The following PTTG1IP2 variants were observed in gnomAD, a reference collection of about 807,000 sequenced individuals.
The protein encoded by PTTG1IP2 is PTTG1IP family member 2.
chr7:90,507,590 G>C (rs1030284243), intron 6 of PTTG1IP2, among the ~76,000 whole-genome samples: 4 of 152,152 alleles, frequency 2.6e-5, no homozygotes, highest in African/African-American at 9.7e-5. Flanking sequence ...AGGCAAGATA[G>C]GGCCATGAAG....
At chr7:90,486,125 A>AT (rs1158333913) in intron 2 of PTTG1IP2, among the ~76,000 whole-genome samples, 2 of 152,106 alleles carry the variant, frequency 1.3e-5, no homozygotes, top group Non-Finnish European at 2.9e-5. Context: ...GGTTCTTTAC[A>AT]TTGGAGTGAA....
intron 6 of PTTG1IP2, among the ~76,000 whole-genome samples, chr7:90,513,031 TTA>T (rs1368318104): frequency 1.3e-5 from 2 of 152,206 alleles, no homozygotes; most frequent in African/African-American, 4.8e-5. Context: ...AATAAATCGT[TTA>T]TGTTAGTTTG....
intron 1 of PTTG1IP2, among the ~76,000 whole-genome samples, chr7:90,475,232 TCA>T (rs2116046337): frequency 6.6e-6 from 1 of 152,274 alleles, no homozygotes; most frequent in Non-Finnish European, 1.5e-5. Context: ...GTGACTATAG[TCA>T]CACTGTGGTT....
At chr7:90,492,823 G>C (rs982139360) in intron 5 of PTTG1IP2, among the ~76,000 whole-genome samples, 24 of 152,140 alleles carry the variant, frequency 1.6e-4, no homozygotes, top group Non-Finnish European at 2.6e-4. Context: ...GGCTTTCCCA[G>C]ATTAATTCAC....
At chr7:90,493,977 C>A (rs1404712963) in intron 5 of PTTG1IP2, among the ~76,000 whole-genome samples, 1 of 152,182 alleles carries the variant, frequency 6.6e-6, no homozygotes, top group Non-Finnish European at 1.5e-5. Context: ...ATACTCCTCA[C>A]CTGTGAAGAC....
In PTTG1IP2 at chr7:90,497,713, T is replaced by TAAAAAAAAAAAAAAAAAAAAAAAAA. The variant is rs1491565834; in HGVS notation, c.*50+3284_*50+3285insAAAAAAAAAAAAAAAAAAAAAAAAA. ...GCCTGAGCGACAGAGAAAGACCCTG[T>TAAAAAAAAAAAAAAAAAAAAAAAAA]ATAAAAAAAAAAAAAAAAAAAAAAA... On this transcript the variant is annotated intron_variant, in intron 6 of 6. Transcript: ENST00000509356. Among the ~76,000 whole-genome samples the TAAAAAAAAAAAAAAAAAAAAAAAAA allele has an allele frequency of 1.8e-4, 9 of 49,598 alleles. 3 individuals carry two copies. Among genetic ancestry groups the TAAAAAAAAAAAAAAAAAAAAAAAAA allele is most frequent in the East Asian group, 7.6e-4 (1 of 1,320 alleles). 32.5% of individuals were successfully genotyped at this position (49,598 alleles called of 152,430 possible).
chr7:90,491,468 C>T (rs1467035302), intron 4 of PTTG1IP2, among the ~76,000 whole-genome samples: 2 of 151,826 alleles, frequency 1.3e-5, no homozygotes, highest in African/African-American at 4.8e-5. Flanking sequence ...ACTAAAAATA[C>T]AAAACTTAGC....
chr7:90,511,574 T>C (rs189860148), intron 6 of PTTG1IP2, among the ~76,000 whole-genome samples: 115 of 152,292 alleles, frequency 7.6e-4, no homozygotes, highest in African/African-American at 2.7e-3. Flanking sequence ...TATAATGTAG[T>C]TAAAACTCTT....
intron 1 of PTTG1IP2, among the ~76,000 whole-genome samples, chr7:90,474,576 A>G (rs1028887018): frequency 1.1e-4 from 16 of 152,214 alleles, no homozygotes; most frequent in Non-Finnish European, 1.6e-4. Flanking sequence ...TTAGAGCACT[A>G]TAGCTGGTTG....
chr7:90,489,888 T>A (rs1234616337), intron 4 of PTTG1IP2, among the ~76,000 whole-genome samples: 2 of 152,010 alleles, frequency 1.3e-5, no homozygotes, highest in Non-Finnish European at 2.9e-5. Context: ...GTTACTTAAT[T>A]GTAACTTTCC....
chr7:90,478,437 A>G (rs1797777008), intron 1 of PTTG1IP2, among the ~76,000 whole-genome samples: 1 of 152,208 alleles, frequency 6.6e-6, no homozygotes, highest in African/African-American at 2.4e-5. Context: ...GGAGGAAGTA[A>G]CATTCAATAG....
chr7:90,498,610 T>C (rs1798024897), intron 6 of PTTG1IP2, among the ~76,000 whole-genome samples: 1 of 152,180 alleles, frequency 6.6e-6, no homozygotes, highest in Admixed American at 6.5e-5. Context: ...ACCAACACAA[T>C]TTATTGTGAA....
chr7:90,502,294 T>G (rs1216981867), intron 6 of PTTG1IP2, among the ~76,000 whole-genome samples: 1 of 152,234 alleles, frequency 6.6e-6, no homozygotes. Context: ...ATTATAGGCA[T>G]GTGCCACCAC....
intron 6 of PTTG1IP2, among the ~76,000 whole-genome samples, chr7:90,510,574 G>T (rs765100048): frequency 3.3e-5 from 5 of 152,086 alleles, no homozygotes; most frequent in Non-Finnish European, 5.9e-5. Flanking sequence ...TAGTTGTTTG[G>T]GACTTTGGAT....
intron 6 of PTTG1IP2, among the ~76,000 whole-genome samples, chr7:90,501,846 G>C (rs181947935): frequency 2.0e-5 from 3 of 152,094 alleles, no homozygotes; most frequent in Non-Finnish European, 4.4e-5. Flanking sequence ...CACATGATTC[G>C]TTCTTCCTTT....
At chr7:90,470,963 C>CAAAAAAAAAAAAAAAAAAA (rs5885726) in intron 1 of PTTG1IP2, among the ~76,000 whole-genome samples, 1 of 108,112 alleles carries the variant, frequency 9.2e-6, no homozygotes, top group African/African-American at 3.3e-5. Context: ...TGATGAAGAA[C>CAAAAAAAAAAAAAAAAAAA]AAAAAAAAAA....
Position 90,478,524 on chromosome 7 carries a change from T to C in PTTG1IP2, c.146-704T>C, listed in dbSNP as rs1311753040. Among the ~76,000 whole-genome samples, 4 of 152,322 alleles carry C rather than the reference T, an allele frequency of 2.6e-5. No individual in the cohort carries two copies. In the East Asian group the frequency reaches 7.7e-4, roughly 29 times the overall value. On this transcript the variant is annotated intron_variant, in intron 1 of 6. Coordinates refer to ENST00000509356, the MANE Select transcript of PTTG1IP2 (RefSeq NM_001365443.2). Reference sequence around the variant, plus strand: ...CTGCATCCAATCAAACAATTTGAAATTAAATAGAAAGATTTGACCTTTCCC... The same window carrying C: ...CTGCATCCAATCAAACAATTTGAAACTAAATAGAAAGATTTGACCTTTCCC...
chr7:90,506,116 A>G (rs1191992028), intron 6 of PTTG1IP2, among the ~76,000 whole-genome samples: 1 of 151,024 alleles, frequency 6.6e-6, no homozygotes, highest in Non-Finnish European at 1.5e-5. Context: ...CTCTAGTTTT[A>G]CTGAGTCCTC....
chr7:90,473,181 A>G (rs776406173), intron 1 of PTTG1IP2, among the ~76,000 whole-genome samples: 1 of 152,230 alleles, frequency 6.6e-6, no homozygotes. Context: ...AGAATTTTGT[A>G]GGGAAAAGAT....
Sources: allele counts gnomAD v4.1 joint callset (sites outside exome capture counted in the v4.1 genomes callset), GRCh38; gene constraint gnomAD v4.1.1; transcripts MANE v1.5; gene names NCBI Gene and HGNC (gene_info 2026-07-23, HGNC 2026-07-21).